Variants in DENND11 observed in about 807,000 individuals in gnomAD.
The protein encoded by DENND11 is DENN domain-containing protein 11.
In DENND11, 34 loss-of-function variants were observed where a neutral mutation model predicts 49.2. The observed-to-expected ratio is 0.69, with a 90% CI of 0.53 to 0.92. The LOEUF (loss-of-function observed/expected upper bound fraction) is 0.92, where lower values mean the gene tolerates loss of function less well. Ranked by LOEUF, DENND11 falls within the 40% of genes least tolerant of loss-of-function variation. The probability of loss-of-function intolerance (pLI) is 0.00; values close to 1 mark genes in which losing one functional copy is unlikely to be tolerated. For missense variants in DENND11, 475 were observed against 581.6 expected (o/e 0.82, Z 1.88); for synonymous variants, 238 against 230.3 (o/e 1.03, Z -0.30).
Position 141,700,572 on chromosome 7 carries a change from G to GT in DENND11, c.268+1313dup, listed in dbSNP as rs1798495085. On this transcript the variant is annotated intron_variant, in intron 1 of 8. Coordinates refer to ENST00000536163, the MANE Select transcript of DENND11 (RefSeq NM_001080392.2). ...TGTCTATTTCAGTTACATAAGTACT[G>GT]TACGTGTATGTGAGCATATTGGTTG... Among the ~76,000 whole-genome samples the GT allele has an allele frequency of 3.9e-5, 6 of 151,940 alleles. No individual in the cohort carries two copies. The South Asian group carries it at 1.2e-3, about 32-fold the overall frequency.
At chr7:141,689,452 G>T (rs1798292026) in intron 1 of DENND11, among the ~76,000 whole-genome samples, 1 of 152,300 alleles carries the variant, frequency 6.6e-6, no homozygotes, top group Non-Finnish European at 1.5e-5. Context: ...GGTCCTGTCA[G>T]CAGGGAAGGG....
In DENND11 at chr7:141,658,751, G is replaced by A. The variant is rs996367740; in HGVS notation, c.*3905C>T. 1 of 152,102 alleles carries A rather than the reference G, an allele frequency of 6.6e-6. No individual in the cohort carries two copies. Among genetic ancestry groups the A allele is most frequent in the Non-Finnish European group, 1.5e-5 (1 of 68,020 alleles). 9.4% of individuals were successfully genotyped at this position (152,102 alleles called of 1,614,324 possible). A position where few individuals can be genotyped will look rare whatever the true frequency, so the allele number is the denominator to read the frequency against. The stretch of plus-strand genomic sequence containing the variant: ...TCCCTGGGCTATACAGTTTCGAAGG[G>A]AAATAAATGGTCCCTCGGGTTTCTG... On this transcript the variant is annotated 3_prime_UTR_variant, in exon 9 of 9. Coordinates refer to ENST00000536163, the MANE Select transcript of DENND11 (RefSeq NM_001080392.2).
At chr7:141,699,191 A>G (rs1798465564) in intron 1 of DENND11, among the ~76,000 whole-genome samples, 2 of 152,178 alleles carry the variant, frequency 1.3e-5, no homozygotes, top group Non-Finnish European at 2.9e-5. Context: ...GGGTGGGCCA[A>G]TATTAAATAG....
chr7:141,685,029 A>AAAT lies in DENND11; in HGVS notation c.527+448_527+449insATT, dbSNP rs1305276426. ...GTCTCTACCAAAAAAAAAAAAAAAA[A>AAAT]ATATATATATATATATATATATATA... is the stretch of plus-strand genomic sequence containing the variant. On this transcript the variant is annotated intron_variant, in intron 3 of 8. Coordinates refer to ENST00000536163, the MANE Select transcript of DENND11 (RefSeq NM_001080392.2). 8.3e-4 allele frequency among the ~76,000 whole-genome samples: 76 copies of AAAT among 91,544 alleles called. 1 individual carries two copies. The highest frequency in any genetic ancestry group is 8.7e-4 in the Non-Finnish European group (43 of 49,666). 60.1% of individuals were successfully genotyped at this position (91,544 alleles called of 152,430 possible).
chr7:141,666,470 G>T (rs1047443911), intron 4 of DENND11, 45 bp from the exon 5 acceptor site: 1 of 1,495,536 alleles, frequency 6.7e-7, no homozygotes, highest in South Asian at 1.4e-5. Context: ...GTGAGGAACA[G>T]CTTCTTAGAA....
chr7:141,662,893 A>T (rs2269984), intron 8 of DENND11, 42 bp from the exon 9 acceptor site: 357,637 of 1,420,424 alleles, frequency 0.25, 47,974 homozygotes, highest in East Asian at 0.52. Context: ...AGCGGGGGGG[A>T]ATAAAAAGCT....
Position 141,702,005 on chromosome 7 carries a change from C to T in DENND11, c.149G>A (p.Arg50Gln), listed in dbSNP as rs1401372285. ...CGGGGCGGCCGGCTCCTCGGGCTCCCGCCTCCGGGGCGGCTCCGCGGCCGG... is the reference window on the plus strand; with the variant it reads ...CGGGGCGGCCGGCTCCTCGGGCTCCTGCCTCCGGGGCGGCTCCGCGGCCGG... Reference protein sequence around the residue: ...ARPAAEPPRRREPEEPAAPEV... With the variant: ...ARPAAEPPRRQEPEEPAAPEV... Residue 50 changes from arginine to glutamine, a missense_variant, in exon 1 of 9, where the codon CGG becomes CAG. Arg to Gln is a conservative substitution (Grantham distance 43, BLOSUM62 1). Transcript: ENST00000536163. 27 of 1,124,536 alleles carry T rather than the reference C, an allele frequency of 2.4e-5. No individual in the cohort carries two copies. Among genetic ancestry groups the T allele is most frequent in the Non-Finnish European group, 2.9e-5 (27 of 919,896 alleles). 69.7% of individuals were successfully genotyped at this position (1,124,536 alleles called of 1,614,324 possible).
At chr7:141,680,011 T>C (rs994879107) in intron 3 of DENND11, among the ~76,000 whole-genome samples, 1 of 152,236 alleles carries the variant, frequency 6.6e-6, no homozygotes, top group East Asian at 1.9e-4. Flanking sequence ...TTTGACAGAA[T>C]CTATTAAAAT....
At chr7:141,670,189 G>A (rs902330215) in intron 4 of DENND11, among the ~76,000 whole-genome samples, 3 of 151,748 alleles carry the variant, frequency 2.0e-5, no homozygotes, top group East Asian at 1.9e-4. Context: ...TTGCCCTACC[G>A]CATCCCATAC....
At chr7:141,685,408 G>A (rs1252697417) in intron 3 of DENND11, 70 bp downstream of exon 3, 17 of 1,560,528 alleles carry the variant, frequency 1.1e-5, no homozygotes, top group East Asian at 2.3e-5. Flanking sequence ...TGCTGTCTCC[G>A]AGGGCTCGTG....
rs1321738120 is a variant in DENND11 at position 141,657,795 on chromosome 7, T to G, written c.*4861A>C. 1.3e-5 allele frequency: 2 copies of G among 152,634 alleles called. No individual in the cohort carries two copies. The highest frequency in any genetic ancestry group is 2.9e-5 in the Non-Finnish European group (2 of 68,054). 9.5% of individuals were successfully genotyped at this position (152,634 alleles called of 1,614,324 possible). On this transcript the variant is annotated 3_prime_UTR_variant, in exon 9 of 9. Transcript: ENST00000536163. ...TCTTTATATAGCACTAGAAAATTCT[T>G]ATTCCCCTTCTAAATTTGCAATTTC...
In DENND11 at chr7:141,663,950, T is replaced by C. The variant is rs146981059; in HGVS notation, c.1172+222A>G. The C allele has an allele frequency of 1.6e-3, 769 of 478,696 alleles. 5 individuals are homozygous for C. Among genetic ancestry groups the C allele is most frequent in the African/African-American group, 5.6e-3 (295 of 52,624 alleles). The allele number at this position is 478,696 out of a possible 1,614,324, so 29.7% of individuals were successfully genotyped here. Reference sequence around the variant, plus strand: ...ACAAGGAAAGAAACACTAAGACTCCTGTTTTCTCTTAAGGGACCTGCTTCT... The same window carrying C: ...ACAAGGAAAGAAACACTAAGACTCCCGTTTTCTCTTAAGGGACCTGCTTCT... On this transcript the variant is annotated intron_variant, in intron 8 of 8. Transcript: ENST00000536163.
rs916647364 is a variant in DENND11, at chr7:141,658,880, C to G, written c.*3776G>C. The G allele has an allele frequency of 5.2e-4, 80 of 152,566 alleles. 1 individual carries two copies. Among genetic ancestry groups the G allele is most frequent in the African/African-American group, 1.9e-3 (80 of 41,422 alleles). The allele number at this position is 152,566 out of a possible 1,614,324, so 9.5% of individuals were successfully genotyped here. A position where few individuals can be genotyped will look rare whatever the true frequency, so the allele number is the denominator to read the frequency against. On this transcript the variant is annotated 3_prime_UTR_variant, in exon 9 of 9. Transcript: ENST00000536163. ...TCAGTTTAAAGATGAGTGATTTCAT[C>G]TTTTACTGTGTTTGAAGGGCTTTCA...
chr7:141,669,143 A>G (rs1797938984), intron 4 of DENND11, among the ~76,000 whole-genome samples: 2 of 151,936 alleles, frequency 1.3e-5, no homozygotes, highest in Admixed American at 1.3e-4. Context: ...TGGACCTCTC[A>G]GAGAGGTCTT....
intron 4 of DENND11, among the ~76,000 whole-genome samples, chr7:141,669,110 G>A (rs1797938673): frequency 6.6e-6 from 1 of 152,040 alleles, no homozygotes; most frequent in Non-Finnish European, 1.5e-5. Context: ...ATTTTCCTAA[G>A]GGGAGCATTT....
At chr7:141,677,503 GTATATA>G (rs140901096) in intron 3 of DENND11, among the ~76,000 whole-genome samples, 1 of 134,194 alleles carries the variant, frequency 7.5e-6, no homozygotes, top group African/African-American at 2.7e-5. Flanking sequence ...GTGTGTGTGT[GTATATA>G]TATATATATA....
In DENND11 at chr7:141,659,214, T is replaced by C. The variant is rs1366372158; in HGVS notation, c.*3442A>G. The C allele has an allele frequency of 6.6e-6, 1 of 152,220 alleles. No individual in the cohort carries two copies. The highest frequency in any genetic ancestry group is 1.5e-5 in the Non-Finnish European group (1 of 68,038). 9.4% of individuals were successfully genotyped at this position (152,220 alleles called of 1,614,324 possible). A position where few individuals can be genotyped will look rare whatever the true frequency, so the allele number is the denominator to read the frequency against. On this transcript the variant is annotated 3_prime_UTR_variant, in exon 9 of 9. Transcript: ENST00000536163. The stretch of plus-strand genomic sequence containing the variant: ...GTGGAAGCACAGATGCTATAATGGA[T>C]GATGGATATGGAAGGCAAAAGCCTT...
intron 4 of DENND11, among the ~76,000 whole-genome samples, chr7:141,667,145 T>C (rs1797908516): frequency 6.6e-6 from 1 of 152,184 alleles, no homozygotes; most frequent in Non-Finnish European, 1.5e-5. Context: ...GGCTTTGAAC[T>C]CCTGACCTCA....
rs1797716340 is a variant in DENND11 at position 141,657,512 on chromosome 7, T to G, written c.*5144A>C. On this transcript the variant is annotated 3_prime_UTR_variant, in exon 9 of 9. Coordinates refer to ENST00000536163, the MANE Select transcript of DENND11 (RefSeq NM_001080392.2). ...AAAGACCTCTGTGTCGACTGTTCAC[T>G]TTGTGGATCATCTCTGGCTCATTTA... 1 of 152,442 alleles carries G rather than the reference T, an allele frequency of 6.6e-6. No homozygotes were observed. Among genetic ancestry groups the G allele is most frequent in the Non-Finnish European group, 1.5e-5 (1 of 68,044 alleles). 9.4% of individuals were successfully genotyped at this position (152,442 alleles called of 1,614,324 possible).
Sources: gnomAD v4.1 joint callset for allele counts (sites outside exome capture counted in the v4.1 genomes callset) on GRCh38, gnomAD v4.1.1 for gene constraint, MANE v1.5 for transcripts, NCBI Gene and HGNC (gene_info 2026-07-23, HGNC 2026-07-21) for gene names.